Variants in SPRY3 observed in about 807,000 individuals in gnomAD.
The protein encoded by SPRY3 is sprouty RTK signaling antagonist 3.
SPRY3 carries 15 observed loss-of-function variants against 20.2 expected under a neutral mutation model. That is an observed-to-expected ratio of 0.74 (90% CI 0.50 to 1.14). The LOEUF is 1.14. Ranked by LOEUF, SPRY3 falls within the 50% of genes most tolerant of loss-of-function variation. The pLI, the probability that SPRY3 is intolerant of heterozygous loss-of-function variation, is 0.00. For synonymous variants in SPRY3, 143 were observed against 136.5 expected, an observed-to-expected ratio of 1.05 and a Z score of -0.33; for missense variants, 364 against 363.9, an observed-to-expected ratio of 1.00 and a Z score of 0.00.
chrX:155,769,542 TA>T (rs34648235), intron 3 of SPRY3, among the ~76,000 whole-genome samples: 59,985 of 151,110 alleles, frequency 0.4, 12,398 homozygotes, highest in East Asian at 0.66. Context: ...TTTGAGTTTT[TA>T]AAAAAAAAAT....
chrX:155,617,239 T>A (rs1436216618), intron 1 of SPRY3, among the ~76,000 whole-genome samples: 2 of 109,368 alleles, frequency 1.8e-5, no homozygotes, highest in African/African-American at 6.6e-5. Flanking sequence ...TCATAGGACA[T>A]GGCATAAAAT....
chrX:155,694,408 G>T (rs954838317), intron 2 of SPRY3, among the ~76,000 whole-genome samples: 1 of 110,227 alleles, frequency 9.1e-6, no homozygotes, highest in Non-Finnish European at 1.9e-5. Context: ...AGACACCTTG[G>T]AAACATACAG....
intron 2 of SPRY3, among the ~76,000 whole-genome samples, chrX:155,755,763 G>T (rs1334404684): frequency 1.3e-5 from 2 of 152,018 alleles, no homozygotes; most frequent in Non-Finnish European, 2.9e-5. Context: ...CTTTTCCTTG[G>T]CTTGTTGGAG....
At chrX:155,781,858 G>GA (rs2091465035) in exon 2 of SPRY3, 1 of 130,898 alleles carries the variant, frequency 7.6e-6, no homozygotes, top group African/African-American at 3.7e-5. Flanking sequence ...TTGAACACTT[G>GA]TGTAGGTCGT....
chrX:155,764,393 T>A (rs2091316297), intron 2 of SPRY3, among the ~76,000 whole-genome samples: 1 of 152,230 alleles, frequency 6.6e-6, no homozygotes, highest in South Asian at 2.1e-4. Context: ...AGTTTTGTAA[T>A]GTCTCAACAT....
chrX:155,628,417 CTT>C (rs1467003789), intron 1 of SPRY3, among the ~76,000 whole-genome samples: 8 of 112,016 alleles, frequency 7.1e-5, no homozygotes, highest in African/African-American at 2.6e-4. Context: ...TGTGAGAAAA[CTT>C]TTGCAATCTA....
intron 2 of SPRY3, among the ~76,000 whole-genome samples, chrX:155,767,379 C>T (rs750913926): frequency 4.6e-5 from 7 of 152,150 alleles, no homozygotes; most frequent in South Asian, 4.2e-4. Flanking sequence ...TCACTCCCTG[C>T]CCCCACTGCA....
At chrX:155,774,116 C>T (rs1400430224) in exon 4 of SPRY3, 2 of 1,613,870 alleles carry the variant, frequency 1.2e-6, no homozygotes, top group African/African-American at 1.3e-5. Flanking sequence ...CTGAGCCAAT[C>T]TAGCATTGCC....
chrX:155,632,219 C>CCCCACACACACACA (rs1557350581), intron 1 of SPRY3, among the ~76,000 whole-genome samples: 1 of 98,645 alleles, frequency 1.0e-5, no homozygotes, highest in Non-Finnish European at 2.0e-5. Context: ...TCCACAGCCA[C>CCCCACACACACACA]CACACACACA....
intron 1 of SPRY3, among the ~76,000 whole-genome samples, chrX:155,636,007 T>A (rs1317542985): frequency 2.7e-5 from 3 of 112,371 alleles, no homozygotes; most frequent in African/African-American, 9.7e-5. Context: ...AAAGTGGAAG[T>A]GGCTCCTCAA....
chrX:155,635,517 G>T (rs951763684), intron 1 of SPRY3, among the ~76,000 whole-genome samples: 4 of 111,247 alleles, frequency 3.6e-5, no homozygotes, highest in Non-Finnish European at 7.6e-5. Flanking sequence ...AAATTTACAT[G>T]AAAAAAACAA....
At chrX:155,752,588 G>A (rs1220977622) in intron 2 of SPRY3, among the ~76,000 whole-genome samples, 1 of 151,262 alleles carries the variant, frequency 6.6e-6, no homozygotes, top group Non-Finnish European at 1.5e-5. Context: ...AGAAAAAATA[G>A]AAAAAATGGA....
chrX:155,675,144 T>C (rs1234259249), intron 2 of SPRY3, among the ~76,000 whole-genome samples: 1 of 112,164 alleles, frequency 8.9e-6, no homozygotes, highest in Non-Finnish European at 1.9e-5. Context: ...GCCTGCCTTA[T>C]TCAATCCAGA....
chrX:155,767,444 T>A, intron 2 of SPRY3, among the ~76,000 whole-genome samples: 1 of 152,012 alleles, frequency 6.6e-6, no homozygotes, highest in East Asian at 1.9e-4. Context: ...TGGCGGTATC[T>A]ATTGCTCCGT....
chrX:155,646,903 T>C (rs2067959686), intron 1 of SPRY3, among the ~76,000 whole-genome samples: 1 of 112,041 alleles, frequency 8.9e-6, no homozygotes, highest in African/African-American at 3.2e-5. Flanking sequence ...TCTTTCACTA[T>C]TAAGTATGAT....
chrX:155,621,190 T>C (rs145692974), intron 1 of SPRY3, among the ~76,000 whole-genome samples: 2,899 of 112,059 alleles, frequency 0.026, 100 homozygotes, highest in Admixed American at 0.12. Context: ...TATCATTATC[T>C]TCAGTTTATT....
chrX:155,704,807 T>C (rs1028122970), intron 2 of SPRY3, among the ~76,000 whole-genome samples: 30 of 151,332 alleles, frequency 2.0e-4, no homozygotes, highest in African/African-American at 7.0e-4. Flanking sequence ...AAAAAGATAA[T>C]AACAGCAGAC....
chrX:155,696,629 T>C (rs781413381), intron 2 of SPRY3, among the ~76,000 whole-genome samples: 1 of 111,546 alleles, frequency 9.0e-6, no homozygotes, highest in African/African-American at 3.3e-5. Context: ...TGTATTGACA[T>C]TGAGAATAAC....
chrX:155,776,014 G>A (rs2091423037), exon 4 of SPRY3: 1 of 167,110 alleles, frequency 6.0e-6, no homozygotes, highest in Non-Finnish European at 1.5e-5. Context: ...GCAGAATTGA[G>A]ACTGGAATAT....
Sources: allele counts gnomAD v4.1 joint callset (sites outside exome capture counted in the v4.1 genomes callset), GRCh38; gene constraint gnomAD v4.1.1; transcripts MANE v1.5; gene names NCBI Gene and HGNC (gene_info 2026-07-23, HGNC 2026-07-21).